Variants in GABRB1 observed in about 807,000 individuals in gnomAD.
GABRB1 encodes gamma-aminobutyric acid type A receptor subunit beta1, also known as gamma-aminobutyric acid receptor subunit beta-1.
Under a neutral mutation model 51.6 loss-of-function variants are expected in GABRB1, and 17 were observed. The ratio of observed to expected loss-of-function variants is 0.33; its 90% CI spans 0.23 to 0.49. GABRB1 has a LOEUF of 0.49. GABRB1 is among the 20% of genes least tolerant of loss of function. The probability of loss-of-function intolerance (pLI) is 0.99; values close to 1 mark genes in which losing one functional copy is unlikely to be tolerated. For missense variants in GABRB1, 410 were observed against 600.6 expected (o/e 0.68, Z 3.32); for synonymous variants, 247 against 218.9 (o/e 1.13, Z -1.14).
chr4:47,098,379 A>G (rs1468807436), intron 3 of GABRB1, among the ~76,000 whole-genome samples: 2 of 152,184 alleles, frequency 1.3e-5, no homozygotes, highest in African/African-American at 4.8e-5. Context: ...TTGGCATTTT[A>G]TCATGAAACT....
chr4:47,340,315 G>A (rs185345580), intron 5 of GABRB1, among the ~76,000 whole-genome samples: 28 of 152,168 alleles, frequency 1.8e-4, no homozygotes, highest in African/African-American at 6.3e-4. Context: ...GTAAGTCTTT[G>A]TGAATCTCAC....
intron 4 of GABRB1, among the ~76,000 whole-genome samples, chr4:47,307,772 A>G (rs908377896): frequency 2.6e-5 from 4 of 151,926 alleles, no homozygotes; most frequent in African/African-American, 9.7e-5. Context: ...TTGATATATC[A>G]CTAATAATTT....
At chr4:47,407,086 G>A (rs1388297742) in intron 8 of GABRB1, among the ~76,000 whole-genome samples, 160 bp downstream of exon 8, 1 of 152,184 alleles carries the variant, frequency 6.6e-6, no homozygotes, top group Non-Finnish European at 1.5e-5. Context: ...GAGGAATGAA[G>A]AAGTTAGATT....
chr4:47,155,660 CA>C (rs1406457633), intron 3 of GABRB1, among the ~76,000 whole-genome samples: 1 of 151,830 alleles, frequency 6.6e-6, no homozygotes, highest in Non-Finnish European at 1.5e-5. Flanking sequence ...CATACCTCAA[CA>C]TATTTGAACA....
chr4:47,167,602 T>C (rs1718243935), intron 4 of GABRB1, among the ~76,000 whole-genome samples: 1 of 152,080 alleles, frequency 6.6e-6, no homozygotes, highest in Non-Finnish European at 1.5e-5. Context: ...TGAATGTTTG[T>C]TTCCTCCAAA....
chr4:47,416,439 C>T (rs1728921001), intron 8 of GABRB1, among the ~76,000 whole-genome samples: 1 of 151,510 alleles, frequency 6.6e-6, no homozygotes, highest in Non-Finnish European at 1.5e-5. Flanking sequence ...TATAAATAGA[C>T]ATCATTTGTT....
rs1721229723 is a variant in GABRB1 at position 47,233,826 on chromosome 4, G to A, written c.461+72357G>A. On this transcript the variant is annotated intron_variant, in intron 4 of 8. Coordinates refer to ENST00000295454, the MANE Select transcript of GABRB1 (RefSeq NM_000812.4). Reference sequence around the variant, plus strand: ...TATGATTTTAAATTACACAAATAGTGTATTTTATTACATATTGATAGCATA... The same window carrying A: ...TATGATTTTAAATTACACAAATAGTATATTTTATTACATATTGATAGCATA... Among the ~76,000 whole-genome samples, 3 of 152,134 alleles carry A rather than the reference G, an allele frequency of 2.0e-5. No homozygotes were observed. The South Asian group carries it at 6.2e-4, about 31-fold the overall frequency.
intron 4 of GABRB1, among the ~76,000 whole-genome samples, chr4:47,262,957 A>G (rs1472107338): frequency 6.8e-6 from 1 of 146,710 alleles, no homozygotes; most frequent in East Asian, 2.1e-4. Context: ...AAAACCAAAC[A>G]CCGCATGTTC....
chr4:47,009,632 T>C (rs1263589900), intron 1 of GABRB1, among the ~76,000 whole-genome samples: 1 of 152,240 alleles, frequency 6.6e-6, no homozygotes, highest in East Asian at 1.9e-4. Context: ...AGTCGTATGA[T>C]AGCATAAAAT....
intron 4 of GABRB1, among the ~76,000 whole-genome samples, chr4:47,303,789 A>G (rs770893484): frequency 6.6e-6 from 1 of 151,962 alleles, no homozygotes; most frequent in Non-Finnish European, 1.5e-5. Flanking sequence ...CATTATTATT[A>G]ACTAGAGTGA....
intron 3 of GABRB1, among the ~76,000 whole-genome samples, chr4:47,118,467 T>C (rs542873537): frequency 6.6e-6 from 1 of 152,242 alleles, no homozygotes; most frequent in South Asian, 2.1e-4. Flanking sequence ...CTTTACAGTT[T>C]TAAAAAAATG....
At chr4:47,095,338 C>G (rs1560532011) in intron 3 of GABRB1, among the ~76,000 whole-genome samples, 2 of 151,920 alleles carry the variant, frequency 1.3e-5, no homozygotes, top group South Asian at 2.1e-4. Context: ...CAACAGTAGT[C>G]TGTGGGTGCA....
intron 4 of GABRB1, among the ~76,000 whole-genome samples, chr4:47,162,303 G>T (rs1717992903): frequency 6.6e-6 from 1 of 151,956 alleles, no homozygotes; most frequent in Admixed American, 6.6e-5. Context: ...CGTCAGACAT[G>T]CCCAATGTGT....
At chr4:47,355,486 A>G (rs1236360896) in intron 5 of GABRB1, among the ~76,000 whole-genome samples, 1 of 152,130 alleles carries the variant, frequency 6.6e-6, no homozygotes, top group African/African-American at 2.4e-5. Context: ...AATGAAAATA[A>G]CCTTAGAAAG....
At position 47,406,867 on chromosome 4, in the gene GABRB1, G is replaced by A. The variant is rs756987530; in HGVS notation, c.1021G>A (p.Ala341Thr). 1.9e-6 allele frequency: 3 copies of A among 1,614,160 alleles called. No individual in the cohort carries two copies. Among genetic ancestry groups the A allele is most frequent in the South Asian group, 1.1e-5 (1 of 91,084 alleles). The change falls in exon 8 of 9, where the codon GCT becomes ACT. Residue 341 changes from alanine to threonine, a missense_variant. This residue lies in a region of GABRB1 where 181 missense variants were observed against 195.6 expected (regional missense o/e 0.93). Coordinates refer to ENST00000295454, the MANE Select transcript of GABRB1 (RefSeq NM_000812.4). ...FFGKGPQKKG[A>T]SKQDQSANEK... is the part of the protein sequence containing the mutation. ...TGGGAAAGGCCCTCAGAAAAAGGGAGCTAGCAAACAAGACCAGAGTGCCAA... is the reference window on the plus strand; with the variant it reads ...TGGGAAAGGCCCTCAGAAAAAGGGAACTAGCAAACAAGACCAGAGTGCCAA...
At chr4:47,409,618 A>G (rs1212837205) in intron 8 of GABRB1, among the ~76,000 whole-genome samples, 1 of 152,226 alleles carries the variant, frequency 6.6e-6, no homozygotes, top group East Asian at 1.9e-4. Flanking sequence ...GCCAAAAGGC[A>G]ATATTTGACA....
intron 1 of GABRB1, among the ~76,000 whole-genome samples, chr4:47,006,337 A>G (rs1021179535): frequency 6.6e-6 from 1 of 152,106 alleles, no homozygotes; most frequent in African/African-American, 2.4e-5. Flanking sequence ...CTATACATAT[A>G]TAATACATAT....
chr4:47,167,625 A>C (rs1031321016), intron 4 of GABRB1, among the ~76,000 whole-genome samples: 1 of 152,156 alleles, frequency 6.6e-6, no homozygotes, highest in African/African-American at 2.4e-5. Flanking sequence ...TCATATGGAA[A>C]TGTAATTGCC....
intron 4 of GABRB1, among the ~76,000 whole-genome samples, chr4:47,270,425 C>A (rs1351672672): frequency 1.3e-5 from 2 of 152,178 alleles, no homozygotes; most frequent in Non-Finnish European, 2.9e-5. Context: ...TACTCCCAAG[C>A]ACAGCAAGGT....
Sources: allele counts gnomAD v4.1 joint callset (sites outside exome capture counted in the v4.1 genomes callset), GRCh38; gene constraint gnomAD v4.1.1; regional missense constraint gnomAD v4.1.1; transcripts MANE v1.5; gene names NCBI Gene and HGNC (gene_info 2026-07-23, HGNC 2026-07-21).